Variants in CADM2 observed in about 807,000 individuals in gnomAD.
CADM2 encodes cell adhesion molecule 2.
Under a neutral mutation model 49.8 loss-of-function variants are expected in CADM2, and 12 were observed. The ratio of observed to expected loss-of-function variants is 0.24; its 90% CI spans 0.15 to 0.39. The LOEUF (loss-of-function observed/expected upper bound fraction) is 0.39. Ranked by LOEUF, CADM2 falls within the 10% of genes least tolerant of loss-of-function variation. The pLI, the probability that CADM2 is intolerant of heterozygous loss-of-function variation, is 1.00. For synonymous variants in CADM2, 214 were observed against 175.4 expected (o/e 1.22, Z -1.74); for missense variants, 378 against 492.3 (o/e 0.77, Z 2.20).
chr3:85,644,192 C>T lies in CADM2; in HGVS notation c.62-82330C>T, dbSNP rs370838621. ...GAGGGCTGTCTTCCAGGCTTACAGA[C>T]GACCACCTTCTTGCTGTATCTGTAC... On this transcript the variant is annotated intron_variant, in intron 1 of 9. Coordinates refer to ENST00000383699, the MANE Select transcript of CADM2 (RefSeq NM_001167675.2). 5.9e-5 allele frequency among the ~76,000 whole-genome samples: 9 copies of T among 152,094 alleles called. No homozygotes were observed. In the South Asian group the frequency reaches 6.2e-4, roughly 11 times the overall value.
intron 2 of CADM2, among the ~76,000 whole-genome samples, chr3:85,766,375 C>T (rs565735099): frequency 6.6e-6 from 1 of 152,116 alleles, no homozygotes. Context: ...AGGATTGTCC[C>T]TGGCAAACTG....
chr3:86,017,467 C>T (rs1268313442), intron 8 of CADM2, among the ~76,000 whole-genome samples: 2 of 151,914 alleles, frequency 1.3e-5, no homozygotes, highest in African/African-American at 2.4e-5. Flanking sequence ...CATGGTGGCA[C>T]ATGCCTGTAA....
chr3:86,061,326 T>A (rs1248562519), intron 8 of CADM2, among the ~76,000 whole-genome samples: 1 of 152,130 alleles, frequency 6.6e-6, no homozygotes, highest in Non-Finnish European at 1.5e-5. Flanking sequence ...AAAACCATAA[T>A]ACTGGTGTAA....
At chr3:85,566,352 T>C (rs559541240) in intron 1 of CADM2, among the ~76,000 whole-genome samples, 1 of 152,198 alleles carries the variant, frequency 6.6e-6, no homozygotes, top group East Asian at 1.9e-4. Context: ...ACATAGTAAC[T>C]GATACTGGGT....
intron 1 of CADM2, among the ~76,000 whole-genome samples, chr3:85,143,626 G>A (rs1026019540): frequency 1.6e-4 from 24 of 152,134 alleles, no homozygotes; most frequent in African/African-American, 5.8e-4. Flanking sequence ...TAGCTTTAAA[G>A]AAATCAATAT....
At chr3:85,417,126 T>TA (rs1204808088) in intron 1 of CADM2, among the ~76,000 whole-genome samples, 1 of 152,088 alleles carries the variant, frequency 6.6e-6, no homozygotes, top group Non-Finnish European at 1.5e-5. Context: ...CAGTAAGGAT[T>TA]AAAAAAAGGT....
chr3:85,816,064 C>T (rs2073182350), intron 3 of CADM2, among the ~76,000 whole-genome samples: 1 of 152,204 alleles, frequency 6.6e-6, no homozygotes, highest in South Asian at 2.1e-4. Context: ...CCCATACCAA[C>T]AAAATATATT....
chr3:85,919,635 A>T (rs891754316), intron 6 of CADM2, among the ~76,000 whole-genome samples: 12 of 151,886 alleles, frequency 7.9e-5, no homozygotes, highest in African/African-American at 2.4e-4. Context: ...ATTACTAATA[A>T]AGTCAATCCA....
intron 1 of CADM2, among the ~76,000 whole-genome samples, chr3:84,973,637 C>T (rs748092272): frequency 2.2e-4 from 34 of 152,146 alleles, no homozygotes; most frequent in Non-Finnish European, 4.3e-4. Context: ...AACTATGTAA[C>T]AAGCAACAAT....
At chr3:85,974,448 CTATG>C (rs1217191951) in intron 8 of CADM2, among the ~76,000 whole-genome samples, 2 of 151,598 alleles carry the variant, frequency 1.3e-5, no homozygotes, top group Non-Finnish European at 3.0e-5. Flanking sequence ...GACATGTATC[CTATG>C]AGGAACTCTA....
Position 85,913,827 on chromosome 3 carries a change from C to T in CADM2, c.700+1284C>T, listed in dbSNP as rs1318016420. 2.6e-5 allele frequency among the ~76,000 whole-genome samples: 4 copies of T among 152,002 alleles called. No homozygotes were observed. In the South Asian group the frequency reaches 8.3e-4, roughly 32 times the overall value. On this transcript the variant is annotated intron_variant, in intron 6 of 9. Transcript: ENST00000383699. ...AAAGCATAGGAGGGCAGTAAGGAGA[C>T]TGAAATGGAGATTAAGGAAAGTGAG...
chr3:85,133,483 G>A (rs2039302621), intron 1 of CADM2, among the ~76,000 whole-genome samples: 1 of 152,222 alleles, frequency 6.6e-6, no homozygotes, highest in African/African-American at 2.4e-5. Flanking sequence ...GTCGATTGGT[G>A]CATTCACAAA....
intron 1 of CADM2, among the ~76,000 whole-genome samples, chr3:85,683,040 G>T (rs965816106): frequency 2.0e-5 from 3 of 151,938 alleles, no homozygotes; most frequent in African/African-American, 7.3e-5. Flanking sequence ...TTTCACAAAA[G>T]CTTCAGGGTT....
At chr3:85,966,859 A>C (rs1331793857) in intron 8 of CADM2, among the ~76,000 whole-genome samples, 1 of 151,712 alleles carries the variant, frequency 6.6e-6, no homozygotes, top group African/African-American at 2.4e-5. Flanking sequence ...CTTCAGAAGT[A>C]ACATATATAG....
chr3:85,836,365 G>C (rs1276723903), intron 3 of CADM2, among the ~76,000 whole-genome samples: 1 of 151,546 alleles, frequency 6.6e-6, no homozygotes, highest in Non-Finnish European at 1.5e-5. Flanking sequence ...GTCACATATG[G>C]CTTCAGGTTT....
intron 1 of CADM2, among the ~76,000 whole-genome samples, chr3:85,533,340 A>G (rs897798120): frequency 1.1e-4 from 17 of 152,200 alleles, no homozygotes; most frequent in Non-Finnish European, 2.1e-4. Flanking sequence ...TCTATAGCAC[A>G]GCAGGTGATA....
intron 1 of CADM2, among the ~76,000 whole-genome samples, chr3:85,229,008 T>C (rs1009955494): frequency 6.6e-6 from 1 of 152,186 alleles, no homozygotes. Flanking sequence ...TGTTCAGAGA[T>C]ACCCTGCCCA....
At chr3:85,098,705 C>A (rs996537340) in intron 1 of CADM2, among the ~76,000 whole-genome samples, 2 of 152,156 alleles carry the variant, frequency 1.3e-5, no homozygotes, top group Non-Finnish European at 2.9e-5. Context: ...CAAATATGTG[C>A]ATACAGAAGT....
At chr3:85,243,406 G>T (rs2042576139) in intron 1 of CADM2, among the ~76,000 whole-genome samples, 1 of 151,916 alleles carries the variant, frequency 6.6e-6, no homozygotes, top group South Asian at 2.1e-4. Flanking sequence ...AAGTTATACT[G>T]CTTATCACTT....
Sources: allele counts gnomAD v4.1 joint callset (sites outside exome capture counted in the v4.1 genomes callset), GRCh38; gene constraint gnomAD v4.1.1; transcripts MANE v1.5; gene names NCBI Gene and HGNC (gene_info 2026-07-23, HGNC 2026-07-21).